The following SLC52A3 variants were observed in gnomAD, a reference collection of about 807,000 sequenced individuals.
SLC52A3 encodes solute carrier family 52 member 3.
SLC52A3 carries 20 observed loss-of-function variants against 29.5 expected under a neutral mutation model. The ratio of observed to expected loss-of-function variants is 0.68; its 90% CI spans 0.48 to 0.99. The LOEUF (loss-of-function observed/expected upper bound fraction) is 0.99, where lower values mean the gene tolerates loss of function less well. SLC52A3 is among the 50% of genes least tolerant of loss of function. SLC52A3 has a pLI of 0.00. For synonymous variants in SLC52A3, 301 were observed against 271.0 expected (o/e 1.11, Z -1.09); for missense variants, 548 against 612.9 (o/e 0.89, Z 1.12).
chr20:779,685 A>G (rs1987158965), upstream of SLC52A3, among the ~76,000 whole-genome samples: 1 of 152,196 alleles, frequency 6.6e-6, no homozygotes, highest in Admixed American at 6.5e-5. Context: ...ATAACTCTTA[A>G]CTGTACAACT....
In SLC52A3 at chr20:765,936, G is replaced by GC. The variant is rs1568725706; in HGVS notation, c.-51-112dup. The GC allele has an allele frequency of 7.6e-6, 5 of 661,596 alleles. No individual in the cohort carries two copies. Among genetic ancestry groups the GC allele is most frequent in the Non-Finnish European group, 1.0e-5 (4 of 390,010 alleles). The allele number at this position is 661,596 out of a possible 1,614,324, so 41.0% of individuals were successfully genotyped here. ...TACTCCCCTTCCTGTGAACAAGCTG[G>GC]CTTTTTTTTTTTTCCTTTGAGACAT... On this transcript the variant is annotated intron_variant, in intron 1 of 4. Coordinates refer to ENST00000645534, the MANE Select transcript of SLC52A3 (RefSeq NM_033409.4). This position sits in a 1 kb window ranked among gnomAD's most constrained non-coding sequence, Gnocchi z 6.6.
chr20:763,485 G>C lies in SLC52A3; in HGVS notation c.1073+13C>G. ...CCCCCACTAGGATTCCCTAGGACCA[G>C]ATGAGGGCACACCTGTTAGGCAGGA... On this transcript the variant is annotated intron_variant, in intron 3 of 4. Transcript: ENST00000645534. 1 of 1,613,904 alleles carries C rather than the reference G, an allele frequency of 6.2e-7. No homozygotes were observed. The highest frequency in any genetic ancestry group is 8.5e-7 in the Non-Finnish European group (1 of 1,179,922).
rs139542858 is a variant in SLC52A3 at position 763,562 on chromosome 20, C to T, written c.1009G>A (p.Ala337Thr). 2 of 1,614,108 alleles carry T rather than the reference C, an allele frequency of 1.2e-6. No individual in the cohort carries two copies. Among genetic ancestry groups the T allele is most frequent in the South Asian group, 1.1e-5 (1 of 91,080 alleles). The change falls in exon 3 of 5, where the codon GCT becomes ACT. Residue 337 changes from alanine to threonine, a missense_variant. This residue lies in a region of SLC52A3 where 375 missense variants were observed against 471.1 expected (regional missense o/e 0.80). Coordinates refer to ENST00000645534, the MANE Select transcript of SLC52A3 (RefSeq NM_033409.4). ...LSYGPVAYHL[A>T]ATLSIVANPL... is the part of the protein sequence containing the mutation. ...TTGGCCACAATGCTGAGGGTGGCAG[C>T]CAGGTGGTAGGCAACTGGCCCATAG...
chr20:770,157 T>TTTG (rs1555784477), upstream of SLC52A3, among the ~76,000 whole-genome samples: 4 of 105,326 alleles, frequency 3.8e-5, no homozygotes, highest in African/African-American at 1.2e-4. The surrounding 1 kb of genome is among the most constrained non-coding windows in gnomAD (Gnocchi z 4.5). Context: ...TGACTGCTGT[T>TTTG]TTTTTTTTTT....
chr20:765,444 G>A lies in SLC52A3; in HGVS notation c.331C>T (p.Leu111Phe), dbSNP rs779187229. The change falls in exon 2 of 5, where the codon CTC (leucine) becomes TTC (phenylalanine). Residue 111 changes from leucine to phenylalanine, a missense_variant. By Grantham distance (22) the Leu-to-Phe change is conservative (BLOSUM62 0). This residue lies in a region of SLC52A3 where 375 missense variants were observed against 471.1 expected (regional missense o/e 0.80). Transcript: ENST00000645534. The surrounding 1 kb of genome is among the most constrained non-coding windows in gnomAD (Gnocchi z 6.6). Reference sequence around the variant, plus strand: ...TCCACCAGGGCCAGGAAGAAGGTGAGGACCAAGAAGGCGATGCTGTGGTGG... The same window carrying A: ...TCCACCAGGGCCAGGAAGAAGGTGAAGACCAAGAAGGCGATGCTGTGGTGG... ...DGHHSIAFLV[L>F]TFFLALVDCT... 3 of 1,612,218 alleles carry A rather than the reference G, an allele frequency of 1.9e-6. No individual in the cohort carries two copies. The highest frequency in any genetic ancestry group is 1.7e-6 in the Non-Finnish European group (2 of 1,179,100).
At chr20:767,163 T>A (rs142601334) in intron 1 of SLC52A3, among the ~76,000 whole-genome samples, 194 of 152,258 alleles carry the variant, frequency 1.3e-3, no homozygotes, top group Non-Finnish European at 2.2e-3. Flanking sequence ...TCTTGGTGAC[T>A]GATAAGGAAA....
At position 761,031 on chromosome 20, in the gene SLC52A3, C is replaced by T. The variant is rs1986444467; in HGVS notation, c.1405G>A (p.Ala469Thr). The change falls in exon 5 of 5, where the codon GCC becomes ACC. Residue 469 changes from alanine (A) to threonine (T), a missense_variant. Physicochemically the swap from Ala to Thr is moderately conservative, Grantham distance 58. Coordinates refer to ENST00000645534, the MANE Select transcript of SLC52A3 (RefSeq NM_033409.4). The stretch of plus-strand genomic sequence containing the variant: ...GGGCGGGGTCGGCGGCCTGCCTAGG[C>T]TGGACAGTGCAGATTGCAGAAGTCC... The part of the protein sequence containing the change: ...SADFCNLHCP[A>T] 6.2e-7 allele frequency: 1 copy of T among 1,604,504 alleles called. No individual in the cohort carries two copies. The highest frequency in any genetic ancestry group is 1.1e-5 in the South Asian group (1 of 89,558).
chr20:779,812 A>G (rs2054375118), upstream of SLC52A3, among the ~76,000 whole-genome samples: 1 of 152,224 alleles, frequency 6.6e-6, no homozygotes, highest in South Asian at 2.1e-4. Flanking sequence ...CATAATTACA[A>G]TCTCAAACTG....
intron 3 of SLC52A3, 136 bp from the exon 4 acceptor site, chr20:761,960 T>G (rs918955618): frequency 1.3e-4 from 179 of 1,340,724 alleles, no homozygotes; most frequent in Admixed American, 6.3e-4. Context: ...GTTGCCTGGC[T>G]CAAGTGGGTC....
rs1599955425 is a variant in SLC52A3, at chr20:760,894, C to G, written c.*132G>C. The stretch of plus-strand genomic sequence containing the variant: ...TCCAGGTGCCATCTTCCCCACAGTC[C>G]CCAGTGGGCACTTGCGTTCATGATT... On this transcript the variant is annotated 3_prime_UTR_variant, in exon 5 of 5. Transcript: ENST00000645534. This position sits in a 1 kb window ranked among gnomAD's most constrained non-coding sequence, Gnocchi z 4.9. 1 of 907,026 alleles carries G rather than the reference C, an allele frequency of 1.1e-6. No homozygotes were observed. The highest frequency in any genetic ancestry group is 1.7e-6 in the Non-Finnish European group (1 of 592,678). 56.2% of individuals were successfully genotyped at this position (907,026 alleles called of 1,614,324 possible).
chr20:768,247 A>G (rs1335669299), intron 1 of SLC52A3, 50 bp downstream of exon 1: 9 of 152,300 alleles, frequency 5.9e-5, no homozygotes, highest in African/African-American at 2.2e-4. Flanking sequence ...CATGACTATG[A>G]AAATTTAAAA....
upstream of SLC52A3, among the ~76,000 whole-genome samples, chr20:777,981 G>A (rs374210400): frequency 6.6e-6 from 1 of 151,684 alleles, no homozygotes; most frequent in South Asian, 2.1e-4. Flanking sequence ...TCAGGAAAAA[G>A]GCTGCTCCAG....
At position 761,871 on chromosome 20, in the gene SLC52A3, TGACCCCCCCGCCCCACTG is replaced by T. The variant is rs2122510123; in HGVS notation, c.1074-65_1074-48del. On this transcript the variant is annotated intron_variant, in intron 3 of 4. Coordinates refer to ENST00000645534, the MANE Select transcript of SLC52A3 (RefSeq NM_033409.4). ...GAGTGGAGGTGAGAAGCCTGACCTC[TGACCCCCCCGCCCCACTG>T]GGCGGCATGTGGATGGCCAGTGTCT... is the stretch of plus-strand genomic sequence containing the variant. The T allele has an allele frequency of 3.7e-6, 6 of 1,613,278 alleles. No homozygotes were observed. The East Asian group carries it at 1.3e-4, about 36-fold the overall frequency.
At chr20:773,504 A>G (rs867892217) in intron 1 of SLC52A3, among the ~76,000 whole-genome samples, 1 of 152,120 alleles carries the variant, frequency 6.6e-6, no homozygotes, top group African/African-American at 2.4e-5. Flanking sequence ...AGGGGTTCTG[A>G]AGGGGCCATG....
upstream of SLC52A3, among the ~76,000 whole-genome samples, chr20:778,729 C>CT (rs375771938): frequency 0.052 from 7,379 of 141,972 alleles, 212 homozygotes; most frequent in Middle Eastern, 0.11. Context: ...CTTTCTTCTT[C>CT]TTTTTTTTTT....
intron 3 of SLC52A3, among the ~76,000 whole-genome samples, chr20:763,136 A>C (rs993244149): frequency 2.6e-5 from 4 of 152,340 alleles, no homozygotes; most frequent in Admixed American, 2.0e-4. Flanking sequence ...CGGGAACCTC[A>C]GTGGCTATCT....
In SLC52A3 at chr20:763,893, G is replaced by C. The variant is rs752834263; in HGVS notation, c.678C>G (p.Leu226=). The change falls in exon 3 of 5, where the codon CTC becomes CTG. Residue 226 remains leucine, a synonymous_variant. Transcript: ENST00000645534. The stretch of plus-strand genomic sequence containing the variant: ...GGCAGCAGGCCATCATGATGGATAG[G>C]AGGAGGAAGAAGACCAGGGGTGAGA... ...AHFSPLVFFL[L]LSIMMACCLV... is the part of the protein sequence containing the mutation. 1 of 1,614,150 alleles carries C rather than the reference G, an allele frequency of 6.2e-7. No homozygotes were observed. The highest frequency in any genetic ancestry group is 8.5e-7 in the Non-Finnish European group (1 of 1,180,014).
Position 763,881 on chromosome 20 carries a change from C to T in SLC52A3, c.690G>A (p.Met230Ile). The T allele has an allele frequency of 6.2e-7, 1 of 1,614,104 alleles. No homozygotes were observed. Among genetic ancestry groups the T allele is most frequent in the Non-Finnish European group, 8.5e-7 (1 of 1,180,008 alleles). The change falls in exon 3 of 5, where the codon ATG becomes ATA. Residue 230 changes from methionine (M) to isoleucine (I), a missense_variant. By Grantham distance (10) the Met-to-Ile change is conservative (BLOSUM62 1). This residue lies in a region of SLC52A3 where 375 missense variants were observed against 471.1 expected (regional missense o/e 0.80). Transcript: ENST00000645534. ...PLVFFLLLSI[M>I]MACCLVAFFV... is the part of the protein sequence containing the mutation. ...AGAACGCCACGAGGCAGCAGGCCAT[C>T]ATGATGGATAGGAGGAGGAAGAAGA...
Position 760,656 on chromosome 20 carries a change from A to T in SLC52A3, c.*370T>A. The T allele has an allele frequency of 3.7e-6, 1 of 270,348 alleles. No homozygotes were observed. The highest frequency in any genetic ancestry group is 7.1e-6 in the Non-Finnish European group (1 of 141,116). 16.7% of individuals were successfully genotyped at this position (270,348 alleles called of 1,614,324 possible). On this transcript the variant is annotated 3_prime_UTR_variant, in exon 5 of 5. Coordinates refer to ENST00000645534, the MANE Select transcript of SLC52A3 (RefSeq NM_033409.4). This position sits in a 1 kb window ranked among gnomAD's most constrained non-coding sequence, Gnocchi z 4.9. ...GGAATCCCCACTGCATGCATGAAGA[A>T]ACAGGCACAGAGAAGCCAAATGACT...
Sources: gnomAD v4.1 joint callset for allele counts (sites outside exome capture counted in the v4.1 genomes callset) on GRCh38, gnomAD v4.1.1 for gene constraint, gnomAD v4.1.1 regional missense constraint, Gnocchi (gnomAD v3.1) non-coding constraint, MANE v1.5 for transcripts, NCBI Gene and HGNC (gene_info 2026-07-23, HGNC 2026-07-21) for gene names.